The following CCDC88C variants were observed in gnomAD, a reference collection of about 807,000 sequenced individuals.
CCDC88C encodes protein Daple.
In CCDC88C, 131 loss-of-function variants were observed where a neutral mutation model predicts 198.8. The observed-to-expected ratio is 0.66, with a 90% confidence interval of 0.57 to 0.76. The LOEUF is 0.76. Ranked by LOEUF, CCDC88C falls within the 30% of genes least tolerant of loss-of-function variation. The pLI is 0.00. For synonymous variants in CCDC88C, 1,166 were observed against 1,114.7 expected (o/e 1.05, Z -0.92); for missense variants, 2,553 against 2,631.6 (o/e 0.97, Z 0.65).
intron 27 of CCDC88C, among the ~76,000 whole-genome samples, chr14:91,280,723 T>C (rs1368315862): frequency 6.6e-6 from 1 of 152,202 alleles, no homozygotes; most frequent in Non-Finnish European, 1.5e-5. Flanking sequence ...TTCTGTTGGA[T>C]TAGCCTCCAC....
At chr14:91,333,551 G>A (rs548655146) in intron 10 of CCDC88C, among the ~76,000 whole-genome samples, 2 of 152,356 alleles carry the variant, frequency 1.3e-5, no homozygotes, top group Admixed American at 6.5e-5. Context: ...GATGCTGTGT[G>A]CACACACAGG....
At chr14:91,336,306 G>A (rs1893039189) in intron 10 of CCDC88C, among the ~76,000 whole-genome samples, 1 of 152,192 alleles carries the variant, frequency 6.6e-6, no homozygotes, top group Non-Finnish European at 1.5e-5. Context: ...GCGTCTATGT[G>A]ACTGAGCGAG....
At position 91,405,045 on chromosome 14, in the gene CCDC88C, C is replaced by T. The variant is rs180695295; in HGVS notation, c.270+3614G>A. ...AGTCCAATGCAGTAAGCCAGGAAGGCGGAGAATCTGCCTTAGACCCCGGTG... is the reference window on the plus strand; with the variant it reads ...AGTCCAATGCAGTAAGCCAGGAAGGTGGAGAATCTGCCTTAGACCCCGGTG... On this transcript the variant is annotated intron_variant, in intron 3 of 29. Transcript: ENST00000389857. 2.8e-3 allele frequency among the ~76,000 whole-genome samples: 425 copies of T among 152,026 alleles called. 3 individuals are homozygous for T. Among genetic ancestry groups the T allele is most frequent in the African/African-American group, 0.01 (416 of 41,472 alleles).
intron 3 of CCDC88C, among the ~76,000 whole-genome samples, chr14:91,363,303 G>A (rs542004333): frequency 6.6e-6 from 1 of 151,086 alleles, no homozygotes; most frequent in African/African-American, 2.5e-5. Context: ...GAGAGAGGGG[G>A]TTTCACCATG....
chr14:91,304,996 A>G (rs1891498618), intron 19 of CCDC88C, among the ~76,000 whole-genome samples: 1 of 152,180 alleles, frequency 6.6e-6, no homozygotes, highest in Non-Finnish European at 1.5e-5. Context: ...TAATCCCAGC[A>G]CTTTGGGAGG....
chr14:91,325,979 C>T lies in CCDC88C; in HGVS notation c.1128G>A (p.Arg376=). ...TTTCCAGCTCATGGACTTTATCGCC[C>T]CGGGCCCGAGCAGCAGTCAGCTGTT... is the stretch of plus-strand genomic sequence containing the variant. The part of the protein sequence containing the change: ...LEEQLTAARA[R]GDKVHELEKE... Residue 376 remains arginine, a synonymous_variant, in exon 11 of 30, where the codon CGG becomes CGA. Coordinates refer to ENST00000389857, the MANE Select transcript of CCDC88C (RefSeq NM_001080414.4). The surrounding 1 kb of genome is among the most constrained non-coding windows in gnomAD (Gnocchi z 4.1). 6.3e-7 allele frequency: 1 copy of T among 1,587,518 alleles called. No individual in the cohort carries two copies. The highest frequency in any genetic ancestry group is 8.6e-7 in the Non-Finnish European group (1 of 1,166,116).
chr14:91,375,575 C>T (rs754919347), intron 3 of CCDC88C, among the ~76,000 whole-genome samples: 6 of 152,196 alleles, frequency 3.9e-5, no homozygotes, highest in Admixed American at 6.5e-5. Context: ...CACCTGCTCA[C>T]GAGGCAGACC....
At chr14:91,345,995 G>T (rs992595963) in intron 4 of CCDC88C, among the ~76,000 whole-genome samples, 1 of 152,066 alleles carries the variant, frequency 6.6e-6, no homozygotes, top group Non-Finnish European at 1.5e-5. Context: ...GAAAGGACAT[G>T]CCAGAAATAG....
chr14:91,404,280 C>T (rs1886364384), intron 3 of CCDC88C, among the ~76,000 whole-genome samples: 1 of 152,220 alleles, frequency 6.6e-6, no homozygotes, highest in African/African-American at 2.4e-5. Context: ...GCATCCTCTC[C>T]TTCCCCTCCT....
At position 91,283,560 on chromosome 14, in the gene CCDC88C, T is replaced by C. The variant is rs542531485; in HGVS notation, c.4442-43A>G. ...ATTGAGAAATGAGGCTGCCAAGTCC[T>C]GTACCCAGGCTGGGAAACCACACCA... On this transcript the variant is annotated intron_variant, in intron 25 of 29. Coordinates refer to ENST00000389857, the MANE Select transcript of CCDC88C (RefSeq NM_001080414.4). 10 of 1,559,452 alleles carry C rather than the reference T, an allele frequency of 6.4e-6. No individual in the cohort carries two copies. In the East Asian group the frequency reaches 2.3e-4, roughly 37 times the overall value.
chr14:91,285,712 A>T (rs1435486621), intron 25 of CCDC88C: 1 of 1,288,758 alleles, frequency 7.8e-7, no homozygotes, highest in African/African-American at 1.5e-5. Flanking sequence ...GCTCGTTAGG[A>T]GAGGATGGGA....
rs192702647 is a variant in CCDC88C, at chr14:91,349,475, C to T, written c.341-5818G>A. The stretch of plus-strand genomic sequence containing the variant: ...TCGAGCTGCTGTTCAGAGGGAGAAA[C>T]GGGGGCAGGTTATAAAACGACGTGA... On this transcript the variant is annotated intron_variant, in intron 4 of 29. Transcript: ENST00000389857. 4.4e-4 allele frequency among the ~76,000 whole-genome samples: 67 copies of T among 152,260 alleles called. No homozygotes were observed. In the South Asian group the frequency reaches 0.01, roughly 23 times the overall value.
chr14:91,376,715 A>C (rs572066523), intron 3 of CCDC88C, among the ~76,000 whole-genome samples: 47 of 152,286 alleles, frequency 3.1e-4, no homozygotes, highest in African/African-American at 1.1e-3. Flanking sequence ...GGTCCCCTGG[A>C]TGGTGCCCTC....
chr14:91,294,589 A>C (rs1890916846), intron 22 of CCDC88C, among the ~76,000 whole-genome samples: 1 of 152,264 alleles, frequency 6.6e-6, no homozygotes, highest in African/African-American at 2.4e-5. Flanking sequence ...ACAAGTGCAA[A>C]ATACGCAGCA....
chr14:91,348,453 G>GA (rs1893645297), intron 4 of CCDC88C, among the ~76,000 whole-genome samples: 1 of 151,918 alleles, frequency 6.6e-6, no homozygotes, highest in Non-Finnish European at 1.5e-5. Context: ...ACTGTAGCCT[G>GA]GGCGACAGAG....
At chr14:91,341,272 G>C (rs1214210244) in intron 6 of CCDC88C, among the ~76,000 whole-genome samples, 1 of 152,200 alleles carries the variant, frequency 6.6e-6, no homozygotes, top group Non-Finnish European at 1.5e-5. Context: ...ACATCTCGGG[G>C]CCTCTGTAAA....
intron 4 of CCDC88C, among the ~76,000 whole-genome samples, chr14:91,354,829 G>A (rs935137512): frequency 9.2e-5 from 14 of 152,190 alleles, no homozygotes; most frequent in Non-Finnish European, 1.9e-4. Flanking sequence ...GCACCCTAAC[G>A]GGGGAAAAGT....
intron 2 of CCDC88C, among the ~76,000 whole-genome samples, chr14:91,412,246 A>C (rs1287772060): frequency 6.6e-6 from 1 of 152,092 alleles, no homozygotes; most frequent in African/African-American, 2.4e-5. Flanking sequence ...AAAAAACAAT[A>C]GCAAGAGTCC....
At chr14:91,348,640 C>T (rs1399612281) in intron 4 of CCDC88C, among the ~76,000 whole-genome samples, 1 of 152,090 alleles carries the variant, frequency 6.6e-6, no homozygotes, top group Non-Finnish European at 1.5e-5. Context: ...CATTAGACAT[C>T]AAGAAAACAA....
Sources: gnomAD v4.1 joint callset for allele counts (sites outside exome capture counted in the v4.1 genomes callset) on GRCh38, gnomAD v4.1.1 for gene constraint, Gnocchi (gnomAD v3.1) non-coding constraint, MANE v1.5 for transcripts, NCBI Gene and HGNC (gene_info 2026-07-23, HGNC 2026-07-21) for gene names.